The following NKAIN3 variants were observed in gnomAD, a reference collection of about 807,000 sequenced individuals.
The protein encoded by NKAIN3 is sodium/potassium transporting ATPase interacting 3.
Under a neutral mutation model 30.2 loss-of-function variants are expected in NKAIN3, and 25 were observed. That is an observed-to-expected ratio of 0.83 (90% CI 0.60 to 1.16). The LOEUF is 1.16. Ranked by LOEUF, NKAIN3 falls within the 50% of genes most tolerant of loss-of-function variation. The pLI is 0.00. For synonymous variants in NKAIN3, 91 were observed against 89.6 expected, an observed-to-expected ratio of 1.02 and a Z score of -0.09; for missense variants, 225 against 254.1, an observed-to-expected ratio of 0.89 and a Z score of 0.78.
intron 1 of NKAIN3, among the ~76,000 whole-genome samples, chr8:62,504,648 T>C (rs1807574604): frequency 2.0e-5 from 3 of 152,190 alleles, no homozygotes; most frequent in Admixed American, 2.0e-4. Context: ...AAACCATCCA[T>C]TATTTCATTA....
At chr8:62,741,351 AAGAG>A (rs1189094767) in intron 3 of NKAIN3, among the ~76,000 whole-genome samples, 1 of 148,540 alleles carries the variant, frequency 6.7e-6, no homozygotes, top group East Asian at 2.0e-4. Flanking sequence ...AGAGAGAAGA[AAGAG>A]AGAGAAAGAA....
intron 1 of NKAIN3, among the ~76,000 whole-genome samples, chr8:62,252,989 G>T (rs561144513): frequency 6.6e-6 from 1 of 152,152 alleles, no homozygotes; most frequent in Non-Finnish European, 1.5e-5. Flanking sequence ...ATTTTGGCAG[G>T]CATTGTTCCC....
At chr8:62,516,139 G>A (rs1226201549) in intron 1 of NKAIN3, among the ~76,000 whole-genome samples, 4 of 152,140 alleles carry the variant, frequency 2.6e-5, no homozygotes, top group East Asian at 3.9e-4. Context: ...TTAGATGTAT[G>A]GTTTGTGTAT....
chr8:62,723,458 C>T (rs1214652334), intron 3 of NKAIN3, among the ~76,000 whole-genome samples: 1 of 152,020 alleles, frequency 6.6e-6, no homozygotes. Flanking sequence ...GTCTTAAAAT[C>T]CTAATTAGCA....
chr8:62,356,621 C>A (rs997934902), intron 1 of NKAIN3, among the ~76,000 whole-genome samples: 1 of 152,152 alleles, frequency 6.6e-6, no homozygotes, highest in African/African-American at 2.4e-5. Flanking sequence ...CTTGTTCTGG[C>A]TTTAATTCAT....
In NKAIN3 at chr8:62,984,508, A is replaced by G. The variant is rs1824162467; in HGVS notation, c.*19101A>G. ...ATCTTGAATGATATTTTGTACTGAT[A>G]TGAATTTCTACTGTCCCATAACACT... is the stretch of plus-strand genomic sequence containing the variant. On this transcript the variant is annotated 3_prime_UTR_variant, in exon 7 of 7. Coordinates refer to ENST00000623646, the MANE Select transcript of NKAIN3 (RefSeq NM_001304533.3). 6.6e-6 allele frequency: 1 copy of G among 152,214 alleles called. No homozygotes were observed. Among genetic ancestry groups the G allele is most frequent in the African/African-American group, 2.4e-5 (1 of 41,452 alleles). The allele number at this position is 152,214 out of a possible 1,614,324, so 9.4% of individuals were successfully genotyped here. A position where few individuals can be genotyped will look rare whatever the true frequency, so the allele number is the denominator to read the frequency against.
chr8:62,486,562 G>A (rs1041063670), intron 1 of NKAIN3, among the ~76,000 whole-genome samples: 6 of 152,118 alleles, frequency 3.9e-5, no homozygotes, highest in African/African-American at 7.2e-5. Context: ...CAAGCTGAGT[G>A]GGGCATCCCT....
intron 4 of NKAIN3, among the ~76,000 whole-genome samples, chr8:62,795,156 C>T (rs2130680608): frequency 6.6e-6 from 1 of 152,206 alleles, no homozygotes; most frequent in East Asian, 1.9e-4. Flanking sequence ...TATGTTTGAC[C>T]TGGATTGCTA....
At position 62,461,025 on chromosome 8, in the gene NKAIN3, G is replaced by A. The variant is rs57091761; in HGVS notation, c.55-118514G>A. Among the ~76,000 whole-genome samples, 286 of 152,312 alleles carry A rather than the reference G, an allele frequency of 1.9e-3. 1 individual carries two copies. The highest frequency in any genetic ancestry group is 6.8e-3 in the Middle Eastern group (2 of 294). On this transcript the variant is annotated intron_variant, in intron 1 of 6. Transcript: ENST00000623646. ...AGGCTGAGTACCTGTCCAGGGCTGT[G>A]CCTGCTCAGGGAAAACCTGAGAGGC... is the stretch of plus-strand genomic sequence containing the variant.
intron 1 of NKAIN3, among the ~76,000 whole-genome samples, chr8:62,518,948 A>G (rs1405414228): frequency 1.3e-5 from 2 of 152,186 alleles, no homozygotes; most frequent in Non-Finnish European, 2.9e-5. Context: ...GCAATCTCTC[A>G]GAGTCATTTT....
At chr8:62,918,820 C>T (rs777614057) in intron 5 of NKAIN3, among the ~76,000 whole-genome samples, 2 of 152,134 alleles carry the variant, frequency 1.3e-5, no homozygotes, top group South Asian at 2.1e-4. Context: ...AGACAGTCAG[C>T]GGTTGTTTTA....
chr8:62,761,262 A>C (rs911091283), intron 4 of NKAIN3, among the ~76,000 whole-genome samples: 4 of 151,650 alleles, frequency 2.6e-5, no homozygotes, highest in Admixed American at 2.0e-4. Context: ...TAATGACAGC[A>C]TGTGTTGTGT....
chr8:62,520,537 C>T (rs946943852), intron 1 of NKAIN3, among the ~76,000 whole-genome samples: 2 of 152,048 alleles, frequency 1.3e-5, no homozygotes, highest in Non-Finnish European at 2.9e-5. Context: ...AAACTGGGTG[C>T]TAAATTTTTA....
chr8:62,656,468 A>T (rs1370947973), intron 3 of NKAIN3, among the ~76,000 whole-genome samples: 1 of 151,948 alleles, frequency 6.6e-6, no homozygotes, highest in Non-Finnish European at 1.5e-5. Flanking sequence ...AATAAAAAAT[A>T]AAAGAACAAA....
At chr8:62,698,442 A>G (rs34383567) in intron 3 of NKAIN3, among the ~76,000 whole-genome samples, 67 of 152,266 alleles carry the variant, frequency 4.4e-4, no homozygotes, top group Admixed American at 9.8e-4. Context: ...GAATTGGACA[A>G]AAACTTCAGC....
chr8:62,823,688 C>A (rs1273820282), intron 4 of NKAIN3, among the ~76,000 whole-genome samples: 1 of 152,158 alleles, frequency 6.6e-6, no homozygotes, highest in Non-Finnish European at 1.5e-5. Context: ...GTAGGAGTAC[C>A]TTCCACCTTT....
At chr8:62,502,546 T>C (rs904518692) in intron 1 of NKAIN3, among the ~76,000 whole-genome samples, 3 of 151,666 alleles carry the variant, frequency 2.0e-5, no homozygotes, top group Non-Finnish European at 4.4e-5. Context: ...CCTTTCCTTC[T>C]CCTTCTCCTT....
intron 6 of NKAIN3, among the ~76,000 whole-genome samples, chr8:62,956,701 A>T (rs1823427966): frequency 6.6e-6 from 1 of 152,234 alleles, no homozygotes; most frequent in South Asian, 2.1e-4. Flanking sequence ...AATCAGTTTA[A>T]TTCACTTTAC....
intron 1 of NKAIN3, among the ~76,000 whole-genome samples, chr8:62,401,704 G>A (rs553452058): frequency 6.6e-6 from 1 of 152,222 alleles, no homozygotes; most frequent in African/African-American, 2.4e-5. Flanking sequence ...CTGCCTTTGT[G>A]GTCTTGGATA....
Sources: gnomAD v4.1 joint callset for allele counts (sites outside exome capture counted in the v4.1 genomes callset) on GRCh38, gnomAD v4.1.1 for gene constraint, MANE v1.5 for transcripts, NCBI Gene and HGNC (gene_info 2026-07-23, HGNC 2026-07-21) for gene names.